Variants in ASZ1 observed in about 807,000 individuals in gnomAD.
ASZ1 encodes ankyrin repeat, SAM and basic leucine zipper domain containing 1.
Under a neutral mutation model 61.8 loss-of-function variants are expected in ASZ1, and 67 were observed. That is an observed-to-expected ratio of 1.08 (90% CI 0.89 to 1.33). The LOEUF (loss-of-function observed/expected upper bound fraction) is 1.33. ASZ1 is among the 40% of genes most tolerant of loss of function. The pLI, the probability that ASZ1 is intolerant of heterozygous loss-of-function variation, is 0.00. For synonymous variants in ASZ1, 193 were observed against 192.7 expected (o/e 1.00, Z -0.01); for missense variants, 577 against 554.5 (o/e 1.04, Z -0.41).
intron 6 of ASZ1, among the ~76,000 whole-genome samples, chr7:117,383,434 A>G (rs1437249318): frequency 6.6e-6 from 1 of 152,050 alleles, no homozygotes; most frequent in Non-Finnish European, 1.5e-5. Context: ...CAAAATAGTA[A>G]AAATTAAAGG....
intron 10 of ASZ1, among the ~76,000 whole-genome samples, chr7:117,370,801 T>C (rs1469450059): frequency 7.1e-6 from 1 of 140,994 alleles, no homozygotes; most frequent in Non-Finnish European, 1.5e-5. Context: ...GGACCAAAGG[T>C]AATTGTGTGT....
intron 4 of ASZ1, among the ~76,000 whole-genome samples, chr7:117,407,036 A>T (rs1331005450): frequency 6.6e-6 from 1 of 152,118 alleles, no homozygotes; most frequent in East Asian, 1.9e-4. Flanking sequence ...CAGAACTGGG[A>T]AAAAAGAGCA....
chr7:117,392,125 C>T (rs1298598704), intron 4 of ASZ1, among the ~76,000 whole-genome samples: 1 of 152,118 alleles, frequency 6.6e-6, no homozygotes, highest in African/African-American at 2.4e-5. Context: ...TTTCCTAATT[C>T]TGTGAAAAAT....
At chr7:117,397,856 G>C (rs1380283355) in intron 4 of ASZ1, among the ~76,000 whole-genome samples, 1 of 152,246 alleles carries the variant, frequency 6.6e-6, no homozygotes, top group Non-Finnish European at 1.5e-5. Context: ...GCCAAGCATG[G>C]GCTATCCCTT....
intron 4 of ASZ1, among the ~76,000 whole-genome samples, chr7:117,398,853 C>T (rs1187044582): frequency 1.3e-5 from 2 of 152,156 alleles, no homozygotes; most frequent in Non-Finnish European, 1.5e-5. Context: ...TTTCCTCCTT[C>T]TCCACTTGCA....
chr7:117,419,299 T>C (rs1797056946), intron 4 of ASZ1, among the ~76,000 whole-genome samples: 1 of 152,188 alleles, frequency 6.6e-6, no homozygotes. Context: ...AAAATATTAT[T>C]TTTTTAAATC....
chr7:117,381,972 T>C (rs1471012116), intron 8 of ASZ1, 97 bp downstream of exon 8: 1 of 760,350 alleles, frequency 1.3e-6, no homozygotes. Context: ...AAATTGGCAG[T>C]TATTCATAGA....
At chr7:117,378,182 A>C (rs1014280238) in intron 10 of ASZ1, among the ~76,000 whole-genome samples, 1 of 152,130 alleles carries the variant, frequency 6.6e-6, no homozygotes, top group South Asian at 2.1e-4. Flanking sequence ...GTAAAGGGAA[A>C]ATTTGGTAAC....
intron 11 of ASZ1, 184 bp downstream of exon 11, chr7:117,368,428 G>A (rs1795985565): frequency 1.6e-6 from 2 of 1,267,850 alleles, no homozygotes; most frequent in Admixed American, 4.1e-5. Flanking sequence ...AGAATACAAA[G>A]TTTTAAAATC....
intron 4 of ASZ1, among the ~76,000 whole-genome samples, chr7:117,391,137 A>T (rs1213764984): frequency 8.0e-5 from 12 of 149,176 alleles, no homozygotes; most frequent in African/African-American, 3.0e-4. Context: ...TTTTTTTTTG[A>T]GAAGTGACTG....
intron 12 of ASZ1, among the ~76,000 whole-genome samples, chr7:117,365,086 T>A (rs1795909239): frequency 6.6e-6 from 1 of 152,280 alleles, no homozygotes; most frequent in South Asian, 2.1e-4. Context: ...TATTTCCAAA[T>A]CTGGAAGCCT....
chr7:117,424,483 A>G (rs1180404606), intron 2 of ASZ1, among the ~76,000 whole-genome samples: 35 of 152,218 alleles, frequency 2.3e-4, no homozygotes, highest in Admixed American at 2.2e-3. Context: ...CCTTCTACCT[A>G]TATCTCTATT....
intron 4 of ASZ1, among the ~76,000 whole-genome samples, chr7:117,393,668 GTTACTA>G (rs1796519776): frequency 6.6e-6 from 1 of 152,088 alleles, no homozygotes; most frequent in African/African-American, 2.4e-5. Context: ...CAATATGAGA[GTTACTA>G]TTACTTTAAT....
intron 5 of ASZ1, 57 bp from the exon 6 acceptor site, chr7:117,384,917 C>A: frequency 7.0e-7 from 1 of 1,430,166 alleles, no homozygotes; most frequent in South Asian, 1.5e-5. Context: ...ATGAGACAGA[C>A]AGGAAAAGTT....
chr7:117,391,574 C>T (rs144351047), intron 4 of ASZ1, among the ~76,000 whole-genome samples: 3,470 of 152,150 alleles, frequency 0.023, 131 homozygotes, highest in African/African-American at 0.08. Context: ...CCTTTCCCCA[C>T]TGTTTATTTT....
At chr7:117,391,395 A>G (rs1204956929) in intron 4 of ASZ1, among the ~76,000 whole-genome samples, 2 of 152,212 alleles carry the variant, frequency 1.3e-5, no homozygotes, top group Non-Finnish European at 2.9e-5. Flanking sequence ...AAGGTCCAGA[A>G]GAGCATTTCC....
chr7:117,410,990 A>T (rs555852953), intron 4 of ASZ1, among the ~76,000 whole-genome samples: 50 of 151,792 alleles, frequency 3.3e-4, no homozygotes, highest in African/African-American at 1.1e-3. Context: ...TTTGATGGAG[A>T]ATTGAGTTCA....
At chr7:117,408,345 T>C (rs1277519571) in intron 4 of ASZ1, among the ~76,000 whole-genome samples, 1 of 152,138 alleles carries the variant, frequency 6.6e-6, no homozygotes, top group Admixed American at 6.6e-5. Flanking sequence ...ATGCTTTATA[T>C]CATTCAAAAG....
chr7:117,380,114 CTA>C, intron 9 of ASZ1, 67 bp from the exon 10 acceptor site: 2 of 1,012,606 alleles, frequency 2.0e-6, no homozygotes, highest in East Asian at 2.5e-5. Context: ...CTCAAAATTG[CTA>C]AAGATGTTTT....
Sources: allele counts gnomAD v4.1 joint callset (sites outside exome capture counted in the v4.1 genomes callset), GRCh38; gene constraint gnomAD v4.1.1; transcripts MANE v1.5; gene names NCBI Gene and HGNC (gene_info 2026-07-23, HGNC 2026-07-21).